The following NDRG3 variants were observed in gnomAD, a reference collection of about 807,000 sequenced individuals.
NDRG3 encodes protein NDRG3.
In NDRG3, 23 loss-of-function variants were observed where a neutral mutation model predicts 57.2. That is an observed-to-expected ratio of 0.40 (90% confidence interval 0.29 to 0.57). The LOEUF is 0.57. Ranked by LOEUF, NDRG3 falls within the 20% of genes least tolerant of loss-of-function variation. NDRG3 has a pLI of 0.42. For synonymous variants in NDRG3, 132 were observed against 162.6 expected (o/e 0.81, Z 1.43); for missense variants, 384 against 457.3 (o/e 0.84, Z 1.46).
chr20:36,726,445 C>T (rs187324215), intron 1 of NDRG3, among the ~76,000 whole-genome samples: 25 of 152,290 alleles, frequency 1.6e-4, no homozygotes, highest in Non-Finnish European at 2.1e-4. Flanking sequence ...ATGCATTCTT[C>T]TGGAGACTCC....
chr20:36,736,269 T>C (rs1022817597), intron 1 of NDRG3, among the ~76,000 whole-genome samples: 2 of 152,226 alleles, frequency 1.3e-5, no homozygotes, highest in African/African-American at 2.4e-5. Context: ...TCCAATTTAA[T>C]TGGGCTAACG....
chr20:36,688,526 A>C (rs551233590), intron 4 of NDRG3, among the ~76,000 whole-genome samples, 153 bp downstream of exon 4: 57 of 152,176 alleles, frequency 3.7e-4, no homozygotes, highest in Non-Finnish European at 7.1e-4. Context: ...ACTTCCCAGG[A>C]ACTTTATACC....
intron 12 of NDRG3, among the ~76,000 whole-genome samples, chr20:36,662,464 C>T (rs1406242440): frequency 1.3e-5 from 2 of 152,146 alleles, no homozygotes; most frequent in Non-Finnish European, 2.9e-5. Context: ...CCACCAATCT[C>T]GGCCTCCCAA....
chr20:36,666,704 A>C (rs1254974543), intron 9 of NDRG3, among the ~76,000 whole-genome samples: 1 of 152,196 alleles, frequency 6.6e-6, no homozygotes, highest in Non-Finnish European at 1.5e-5. Context: ...ATGTTCTGCC[A>C]TTCTTCACAA....
At chr20:36,670,157 AC>A (rs1161036085) in intron 9 of NDRG3, among the ~76,000 whole-genome samples, 2 of 152,006 alleles carry the variant, frequency 1.3e-5, no homozygotes, top group Non-Finnish European at 2.9e-5. Context: ...TAATGAGGAA[AC>A]CTTTGTGGGG....
At chr20:36,682,123 T>C (rs1981356145) in intron 7 of NDRG3, among the ~76,000 whole-genome samples, 1 of 152,236 alleles carries the variant, frequency 6.6e-6, no homozygotes, top group Non-Finnish European at 1.5e-5. Flanking sequence ...AATCCATTAA[T>C]ATTTTTTGGT....
chr20:36,721,310 C>CACG (rs1984576514), intron 2 of NDRG3, among the ~76,000 whole-genome samples: 1 of 151,760 alleles, frequency 6.6e-6, no homozygotes, highest in Non-Finnish European at 1.5e-5. Context: ...GCGGGAGGAT[C>CACG]ACGAGGTCAG....
At chr20:36,693,769 C>A (rs998206909) in intron 3 of NDRG3, among the ~76,000 whole-genome samples, 6 of 151,664 alleles carry the variant, frequency 4.0e-5, no homozygotes, top group African/African-American at 9.7e-5. Flanking sequence ...CCATCACCCC[C>A]ACATGGGACC....
chr20:36,735,632 G>A (rs899399530), intron 1 of NDRG3, among the ~76,000 whole-genome samples: 4 of 152,162 alleles, frequency 2.6e-5, no homozygotes, highest in African/African-American at 9.7e-5. Flanking sequence ...GCCCTAAAGG[G>A]ATATGTTTTG....
intron 8 of NDRG3, among the ~76,000 whole-genome samples, chr20:36,672,689 C>G (rs750201744): frequency 2.0e-5 from 3 of 151,934 alleles, no homozygotes; most frequent in Non-Finnish European, 4.4e-5. Context: ...ATTAGCCAGG[C>G]GTGGTGGTGT....
intron 9 of NDRG3, among the ~76,000 whole-genome samples, chr20:36,669,005 C>A (rs577761681): frequency 1.1e-4 from 17 of 152,022 alleles, no homozygotes; most frequent in Admixed American, 9.8e-4. Flanking sequence ...CCATCACAGC[C>A]TCCCAAGTAG....
At chr20:36,700,383 G>C in intron 3 of NDRG3, 1 of 488,892 alleles carries the variant, frequency 2.0e-6, no homozygotes, top group Non-Finnish European at 4.1e-6. Context: ...CAAAGTATGT[G>C]AATGTAAATA....
chr20:36,663,577 T>TA (rs1036830716), intron 12 of NDRG3, among the ~76,000 whole-genome samples: 8 of 151,862 alleles, frequency 5.3e-5, no homozygotes, highest in African/African-American at 1.9e-4. Context: ...TAACTACTAA[T>TA]AAAAAAAAGA....
In NDRG3 at chr20:36,705,319, C is replaced by T. The variant is rs572970672; in HGVS notation, c.93+1653G>A. On this transcript the variant is annotated intron_variant, in intron 3 of 15. Transcript: ENST00000349004. ...CCTGGGCGACTGAGCAAGACTCTGTCTCAAAAAAAAAAAAAAAGAAAAGAA... is the reference window on the plus strand; with the variant it reads ...CCTGGGCGACTGAGCAAGACTCTGTTTCAAAAAAAAAAAAAAAGAAAAGAA... Among the ~76,000 whole-genome samples the T allele has an allele frequency of 6.2e-5, 8 of 129,012 alleles. No individual in the cohort carries two copies. The South Asian group carries it at 1.6e-3, about 26-fold the overall frequency. The allele number at this position is 129,012 out of a possible 152,430, so 84.6% of individuals were successfully genotyped here. A position where few individuals can be genotyped will look rare whatever the true frequency, so the allele number is the denominator to read the frequency against.
At chr20:36,665,357 G>A (rs1262056786) in intron 10 of NDRG3, 56 bp from the exon 11 acceptor site, 3 of 1,518,178 alleles carry the variant, frequency 2.0e-6, no homozygotes, top group Non-Finnish European at 1.8e-6. Flanking sequence ...AGCAACTCAG[G>A]TTATTTTCTG....
In NDRG3 at chr20:36,653,695, G is replaced by A; in HGVS notation, c.953C>T (p.Ser318Phe). The part of the protein sequence containing the change: ...YFLQGMGYIP[S>F]ASMTRLARSR... ...TCGGGCGAGCCGAGTCATGCTGGCA[G>A]ATGGTACTGTAACAGAGAACCAAGG... The change falls in exon 16 of 16, where the codon TCT becomes TTT. Residue 318 changes from serine (S) to phenylalanine (F), a missense_variant. Ser to Phe is a radical substitution (Grantham distance 155, BLOSUM62 -2). Coordinates refer to ENST00000349004, the MANE Select transcript of NDRG3 (RefSeq NM_032013.4). This position sits in a 1 kb window ranked among gnomAD's most constrained non-coding sequence, Gnocchi z 4.2. The A allele has an allele frequency of 6.2e-7, 1 of 1,613,268 alleles. No homozygotes were observed. Among genetic ancestry groups the A allele is most frequent in the Non-Finnish European group, 8.5e-7 (1 of 1,179,992 alleles).
At chr20:36,730,777 G>A (rs969436709) in intron 1 of NDRG3, among the ~76,000 whole-genome samples, 28 of 151,756 alleles carry the variant, frequency 1.8e-4, no homozygotes, top group South Asian at 6.3e-4. Context: ...GTAGAACCCC[G>A]TCACTATTAA....
At chr20:36,703,584 C>T (rs1983378312) in intron 3 of NDRG3, among the ~76,000 whole-genome samples, 1 of 152,112 alleles carries the variant, frequency 6.6e-6, no homozygotes, top group African/African-American at 2.4e-5. Flanking sequence ...GCTGGGACTA[C>T]AGGCGCATGC....
Position 36,717,823 on chromosome 20 carries a change from C to G in NDRG3, c.57+3856G>C, listed in dbSNP as rs544649033. On this transcript the variant is annotated intron_variant, in intron 2 of 15. Coordinates refer to ENST00000349004, the MANE Select transcript of NDRG3 (RefSeq NM_032013.4). ...AGGAAATTTTGCCTCCCAGGGACAT[C>G]TGGCAATGTCTGGAGACATTTTTGG... Among the ~76,000 whole-genome samples, 93 of 152,344 alleles carry G rather than the reference C, an allele frequency of 6.1e-4. 2 individuals are homozygous for G. Among genetic ancestry groups the G allele is most frequent in the African/African-American group, 2.1e-3 (89 of 41,576 alleles).
Sources: gnomAD v4.1 joint callset for allele counts (sites outside exome capture counted in the v4.1 genomes callset) on GRCh38, gnomAD v4.1.1 for gene constraint, Gnocchi (gnomAD v3.1) non-coding constraint, MANE v1.5 for transcripts, NCBI Gene and HGNC (gene_info 2026-07-23, HGNC 2026-07-21) for gene names.